Variants in DDX1 observed in about 807,000 individuals in gnomAD.
The protein encoded by DDX1 is ATP-dependent RNA helicase DDX1.
DDX1 carries 28 observed loss-of-function variants against 108.7 expected under a neutral mutation model. The observed-to-expected ratio is 0.26, with a 90% CI of 0.19 to 0.35. The LOEUF is 0.35. Ranked by LOEUF, DDX1 falls within the 10% of genes least tolerant of loss-of-function variation. The pLI, the probability that DDX1 is intolerant of heterozygous loss-of-function variation, is 1.00. For missense variants in DDX1, 710 were observed against 884.5 expected (o/e 0.80, Z 2.50); for synonymous variants, 295 against 288.9 (o/e 1.02, Z -0.21).
chr2:15,603,341 G>T, intron 8 of DDX1, 66 bp downstream of exon 8: 1 of 1,091,744 alleles, frequency 9.2e-7, no homozygotes, highest in Non-Finnish European at 1.4e-6. Flanking sequence ...TATTATTTGG[G>T]GAAGCAAAAT....
chr2:15,626,881 T>G (rs988652545), intron 19 of DDX1, among the ~76,000 whole-genome samples, 173 bp from the exon 20 acceptor site: 8 of 152,164 alleles, frequency 5.3e-5, no homozygotes, highest in African/African-American at 1.9e-4. Context: ...GAGTTCATTT[T>G]AATGGTACTT....
intron 14 of DDX1, among the ~76,000 whole-genome samples, chr2:15,616,204 C>T (rs12472917): frequency 0.21 from 31,696 of 152,004 alleles, 3,840 homozygotes; most frequent in Admixed American, 0.28. Flanking sequence ...TGAGCCACCG[C>T]GCCGGCCCAT....
At chr2:15,624,511 A>C (rs1666066556) in intron 19 of DDX1, among the ~76,000 whole-genome samples, 1 of 152,154 alleles carries the variant, frequency 6.6e-6, no homozygotes, top group South Asian at 2.1e-4. Context: ...CAGGAAGGAG[A>C]AGTGCCAAGC....
At chr2:15,621,236 C>T in intron 18 of DDX1, 120 bp downstream of exon 18, 1 of 678,946 alleles carries the variant, frequency 1.5e-6, no homozygotes, top group Non-Finnish European at 2.6e-6. Context: ...GAAATAAAGG[C>T]AACAAAAATA....
At chr2:15,620,419 A>G (rs1385093296) in intron 17 of DDX1, 23 bp downstream of exon 17, 3 of 1,578,026 alleles carry the variant, frequency 1.9e-6, no homozygotes, top group African/African-American at 1.4e-5. Flanking sequence ...TAATATTAAC[A>G]TTTATGTAGA....
intron 13 of DDX1, among the ~76,000 whole-genome samples, chr2:15,608,776 G>A (rs1433875159): frequency 6.7e-6 from 1 of 148,424 alleles, no homozygotes; most frequent in Non-Finnish European, 1.5e-5. Flanking sequence ...CTAGACTCAA[G>A]GAATTCTCTC....
intron 1 of DDX1, among the ~76,000 whole-genome samples, chr2:15,593,674 G>A (rs1023487860): frequency 4.6e-5 from 7 of 152,096 alleles, no homozygotes; most frequent in Admixed American, 4.6e-4. Context: ...CATTTTAGGA[G>A]AGAGAACATA....
At chr2:15,616,515 C>CGA (rs1665895965) in intron 14 of DDX1, among the ~76,000 whole-genome samples, 1 of 152,050 alleles carries the variant, frequency 6.6e-6, no homozygotes, top group Admixed American at 6.5e-5. Context: ...GTACTGGCAC[C>CGA]GAGGCTCACT....
Position 15,620,352 on chromosome 2 carries a change from A to G in DDX1, c.1351A>G (p.Lys451Glu), listed in dbSNP as rs1410750774. The G allele has an allele frequency of 1.9e-6, 3 of 1,613,814 alleles. No homozygotes were observed. The Admixed American group carries it at 5.0e-5, about 27-fold the overall frequency. The part of the protein sequence containing the change: ...VHHVVVPVNP[K>E]TDRLWERLGK... Reference sequence around the variant, plus strand: ...CCATGTTGTTGTCCCAGTAAATCCCAAAACTGACAGACTCTGGGAAAGGCT... The same window carrying G: ...CCATGTTGTTGTCCCAGTAAATCCCGAAACTGACAGACTCTGGGAAAGGCT... The change falls in exon 17 of 26, where the codon AAA (lysine) becomes GAA (glutamate). Residue 451 changes from lysine to glutamate, a missense_variant. Physicochemically the swap from Lys to Glu is moderately conservative, Grantham distance 56. Transcript: ENST00000233084.
At chr2:15,628,145 A>G (rs180768770) in intron 20 of DDX1, among the ~76,000 whole-genome samples, 127 of 152,266 alleles carry the variant, frequency 8.3e-4, no homozygotes, top group African/African-American at 2.9e-3. Context: ...TTTCTCTTCA[A>G]TTTCTAAAGA....
At chr2:15,627,488 A>T (rs1174350571) in intron 20 of DDX1, 1 of 190,558 alleles carries the variant, frequency 5.2e-6, no homozygotes, top group Non-Finnish European at 1.1e-5. Context: ...GCCATAAGGA[A>T]CTTAATTTGT....
chr2:15,619,538 C>T (rs532101899), intron 16 of DDX1, among the ~76,000 whole-genome samples: 1 of 152,234 alleles, frequency 6.6e-6, no homozygotes, highest in East Asian at 1.9e-4. Flanking sequence ...CTCCTGACGG[C>T]CTGTTGCTGC....
chr2:15,601,908 A>G (rs1356659918), intron 6 of DDX1, among the ~76,000 whole-genome samples: 2 of 152,224 alleles, frequency 1.3e-5, no homozygotes, highest in Admixed American at 1.3e-4. Flanking sequence ...GTATGTGGAC[A>G]TCACTGAGAC....
intron 13 of DDX1, among the ~76,000 whole-genome samples, chr2:15,610,897 AT>A: frequency 6.7e-6 from 1 of 149,158 alleles, no homozygotes; most frequent in East Asian, 2.0e-4. Context: ...TAATTTATTT[AT>A]TTTTTATTGA....
chr2:15,598,877 C>T lies in DDX1; in HGVS notation c.260-792C>T, dbSNP rs150355267. 1.4e-3 allele frequency among the ~76,000 whole-genome samples: 209 copies of T among 151,154 alleles called. 3 individuals carry two copies. Among genetic ancestry groups the T allele is most frequent in the Admixed American group, 0.012 (184 of 15,214 alleles). On this transcript the variant is annotated intron_variant, in intron 5 of 25. Transcript: ENST00000233084. ...GGAAAATGCCAATCTTATAAAAAGG[C>T]GGATGAAAAAAATGTGTGACTTTTG...
chr2:15,608,836 T>G (rs4668938), intron 13 of DDX1, among the ~76,000 whole-genome samples: 100,318 of 151,588 alleles, frequency 0.66, 34,198 homozygotes, highest in East Asian at 0.88. Context: ...ATGCCACTGT[T>G]TCAGGCAGGC....
At chr2:15,611,396 C>T (rs1159600206) in intron 13 of DDX1, among the ~76,000 whole-genome samples, 65 of 151,040 alleles carry the variant, frequency 4.3e-4, no homozygotes, top group Non-Finnish European at 6.0e-4. Flanking sequence ...AATGAGCTGC[C>T]GGGCACACCT....
At chr2:15,628,736 A>G (rs1666142045) in intron 22 of DDX1, 26 bp downstream of exon 22, 2 of 1,613,006 alleles carry the variant, frequency 1.2e-6, no homozygotes, top group Non-Finnish European at 1.7e-6. Flanking sequence ...TTTTTCCCCC[A>G]TTTTTAAGCT....
intron 14 of DDX1, among the ~76,000 whole-genome samples, chr2:15,613,993 T>C (rs1272229031): frequency 6.6e-6 from 1 of 152,008 alleles, no homozygotes. Context: ...CCCGCCACCA[T>C]GTTGGCTGAT....
Sources: allele counts gnomAD v4.1 joint callset (sites outside exome capture counted in the v4.1 genomes callset), GRCh38; gene constraint gnomAD v4.1.1; transcripts MANE v1.5; gene names NCBI Gene and HGNC (gene_info 2026-07-23, HGNC 2026-07-21).